Variants in NTM observed in about 807,000 individuals in gnomAD.
NTM encodes the protein neurotrimin.
In NTM, 13 loss-of-function variants were observed where a neutral mutation model predicts 42.1. That is an observed-to-expected ratio of 0.31 (90% CI 0.20 to 0.49). The LOEUF is 0.49. NTM is among the 20% of genes least tolerant of loss of function. NTM has a pLI of 0.99. For missense variants in NTM, 373 were observed against 452.8 expected (o/e 0.82, Z 1.60); for synonymous variants, 187 against 179.2 (o/e 1.04, Z -0.35).
chr11:131,590,596 C>T (rs148848004), intron 1 of NTM, among the ~76,000 whole-genome samples: 52 of 152,306 alleles, frequency 3.4e-4, no homozygotes, highest in African/African-American at 1.1e-3. Flanking sequence ...CAATATCAGG[C>T]CACTGGCAGC....
At position 132,052,706 on chromosome 11, in the gene NTM, T is replaced by C. The variant is rs545812236; in HGVS notation, c.168-93576T>C. Among the ~76,000 whole-genome samples, 6 of 152,312 alleles carry C rather than the reference T, an allele frequency of 3.9e-5. No homozygotes were observed. In the South Asian group the frequency reaches 1.2e-3, roughly 32 times the overall value. Reference sequence around the variant, plus strand: ...TGGGGATTCCCTCATTCTCCCTTTCTTTTTTCTAGGGGGCAAGTGGAATAG... The same window carrying C: ...TGGGGATTCCCTCATTCTCCCTTTCCTTTTTCTAGGGGGCAAGTGGAATAG... On this transcript the variant is annotated intron_variant, in intron 2 of 8. Transcript: ENST00000683400.
At chr11:132,060,422 C>A (rs769020498) in intron 2 of NTM, among the ~76,000 whole-genome samples, 1 of 126,354 alleles carries the variant, frequency 7.9e-6, no homozygotes, top group South Asian at 2.7e-4. Context: ...TTGATTGTTA[C>A]TGCGCTATGA....
At chr11:131,464,047 C>A (rs1951658621) in intron 1 of NTM, among the ~76,000 whole-genome samples, 1 of 152,164 alleles carries the variant, frequency 6.6e-6, no homozygotes, top group South Asian at 2.1e-4. Context: ...GCAGTTTCCC[C>A]GTCTCCCACT....
intron 1 of NTM, among the ~76,000 whole-genome samples, chr11:131,814,886 A>G (rs1192929164): frequency 6.6e-6 from 1 of 152,166 alleles, no homozygotes; most frequent in Non-Finnish European, 1.5e-5. Context: ...ATCACCAAGT[A>G]AACTCTGACA....
intron 1 of NTM, among the ~76,000 whole-genome samples, chr11:131,705,216 A>C (rs1457511969): frequency 6.6e-6 from 1 of 152,242 alleles, no homozygotes; most frequent in Non-Finnish European, 1.5e-5. Context: ...AGAAAATTTC[A>C]GAAGCAGTAA....
intron 1 of NTM, among the ~76,000 whole-genome samples, chr11:131,906,237 T>TG (rs1415377266): frequency 6.6e-6 from 1 of 152,126 alleles, no homozygotes; most frequent in South Asian, 2.1e-4. Context: ...ACCTGTCCTC[T>TG]GGGGGTCTCT....
intron 3 of NTM, among the ~76,000 whole-genome samples, chr11:132,199,990 T>A (rs561650419): frequency 2.6e-5 from 4 of 152,256 alleles, no homozygotes; most frequent in South Asian, 2.1e-4. Context: ...CTGCACTGCC[T>A]CACTCGCTCC....
At chr11:132,275,506 G>A (rs959361344) in intron 4 of NTM, among the ~76,000 whole-genome samples, 1 of 150,890 alleles carries the variant, frequency 6.6e-6, no homozygotes, top group Non-Finnish European at 1.5e-5. Flanking sequence ...TTCATTTTTT[G>A]AAATGAATTT....
chr11:132,147,660 C>T lies in NTM; in HGVS notation c.400+1146C>T, dbSNP rs116980438. ...TGTCAGCAGTATAGCCCCTGAGCAGCGGCATGCCAGATCCAGTGCTGGAGC... is the reference window on the plus strand; with the variant it reads ...TGTCAGCAGTATAGCCCCTGAGCAGTGGCATGCCAGATCCAGTGCTGGAGC... On this transcript the variant is annotated intron_variant, in intron 3 of 8. Coordinates refer to ENST00000683400, the MANE Select transcript of NTM (RefSeq NM_001352005.2). Among the ~76,000 whole-genome samples, 271 of 152,170 alleles carry T rather than the reference C, an allele frequency of 1.8e-3. 7 individuals are homozygous for T. The East Asian group carries it at 0.039, about 22-fold the overall frequency.
chr11:131,513,756 C>G (rs538970999), intron 1 of NTM, among the ~76,000 whole-genome samples: 3 of 152,142 alleles, frequency 2.0e-5, no homozygotes, highest in Non-Finnish European at 4.4e-5. Context: ...TCCTTGGGAG[C>G]TGAAAATATT....
intron 3 of NTM, among the ~76,000 whole-genome samples, chr11:132,184,045 G>A (rs1230993748): frequency 6.6e-6 from 1 of 152,134 alleles, no homozygotes; most frequent in African/African-American, 2.4e-5. Flanking sequence ...CTGGTGCCAA[G>A]CACAAACTGG....
intron 2 of NTM, among the ~76,000 whole-genome samples, chr11:131,942,276 G>A (rs1355376155): frequency 6.6e-6 from 1 of 152,206 alleles, no homozygotes. Context: ...ATTCTTACTT[G>A]TGCAATGTCC....
In NTM at chr11:131,464,366, G is replaced by T. The variant is rs566134976; in HGVS notation, c.82+93478G>T. The stretch of plus-strand genomic sequence containing the variant: ...CAGCAACGCAGGGAAAGCTGGGGGG[G>T]GGGCAGCAACAAGGGAAAGGGGGCC... On this transcript the variant is annotated intron_variant, in intron 1 of 8. Transcript: ENST00000683400. Among the ~76,000 whole-genome samples, 14 of 152,136 alleles carry T rather than the reference G, an allele frequency of 9.2e-5. No homozygotes were observed. The East Asian group carries it at 1.2e-3, about 13-fold the overall frequency.
intron 1 of NTM, among the ~76,000 whole-genome samples, chr11:131,699,961 T>TGTATTC (rs2075902925): frequency 7.4e-6 from 1 of 135,736 alleles, no homozygotes; most frequent in Non-Finnish European, 1.6e-5. Context: ...TGTGTGTGTG[T>TGTATTC]GTATTCAGTA....
intron 1 of NTM, among the ~76,000 whole-genome samples, chr11:131,514,624 G>C (rs2048663572): frequency 6.6e-6 from 1 of 151,976 alleles, no homozygotes; most frequent in Non-Finnish European, 1.5e-5. Context: ...CTTTCTCCCA[G>C]GCTGGAGTGC....
At chr11:131,864,983 G>T (rs143640744) in intron 1 of NTM, among the ~76,000 whole-genome samples, 3 of 152,202 alleles carry the variant, frequency 2.0e-5, no homozygotes, top group African/African-American at 7.2e-5. Context: ...CTCCCGCACC[G>T]GCCCAGTGGG....
At chr11:131,885,701 G>T (rs2050278420) in intron 1 of NTM, among the ~76,000 whole-genome samples, 1 of 152,204 alleles carries the variant, frequency 6.6e-6, no homozygotes, top group African/African-American at 2.4e-5. Flanking sequence ...CAACAAAGGA[G>T]CTTTTTGTAC....
At chr11:131,566,458 T>C (rs1169875325) in intron 1 of NTM, among the ~76,000 whole-genome samples, 2 of 152,224 alleles carry the variant, frequency 1.3e-5, no homozygotes, top group Middle Eastern at 3.4e-3. Flanking sequence ...TGTCTGTGTG[T>C]GTGTGCACGT....
intron 1 of NTM, among the ~76,000 whole-genome samples, chr11:131,768,121 AT>A (rs200565983): frequency 0.48 from 58,491 of 121,288 alleles, 12,243 homozygotes; most frequent in African/African-American, 0.66. Flanking sequence ...GCAAAAACTT[AT>A]TTTTTTTTTT....
Sources: allele counts gnomAD v4.1 joint callset (sites outside exome capture counted in the v4.1 genomes callset), GRCh38; gene constraint gnomAD v4.1.1; transcripts MANE v1.5; gene names NCBI Gene and HGNC (gene_info 2026-07-23, HGNC 2026-07-21).